MAGI2: variants seen among roughly 807,000 people sequenced by gnomAD.
MAGI2 encodes the protein membrane-associated guanylate kinase, WW and PDZ domain-containing protein 2.
MAGI2 carries 35 observed loss-of-function variants against 133.3 expected under a neutral mutation model. The observed-to-expected ratio is 0.26, with a 90% CI of 0.20 to 0.35. The LOEUF (loss-of-function observed/expected upper bound fraction) is 0.35. Ranked by LOEUF, MAGI2 falls within the 10% of genes least tolerant of loss-of-function variation. MAGI2 has a pLI of 1.00. For missense variants in MAGI2, 1,636 were observed against 1,863.4 expected, an observed-to-expected ratio of 0.88 and a Z score of 2.25; for synonymous variants, 729 against 710.6, an observed-to-expected ratio of 1.03 and a Z score of -0.41.
At chr7:78,536,759 G>GTTTTTTTT (rs55740303) in intron 3 of MAGI2, among the ~76,000 whole-genome samples, 2 of 122,436 alleles carry the variant, frequency 1.6e-5, no homozygotes, top group Non-Finnish European at 1.7e-5. Flanking sequence ...TTTTGTTGTT[G>GTTTTTTTT]TTTTTTTTTT....
chr7:78,864,025 T>G (rs1794358627), intron 2 of MAGI2, among the ~76,000 whole-genome samples: 1 of 152,168 alleles, frequency 6.6e-6, no homozygotes, highest in African/African-American at 2.4e-5. Context: ...AAGGTAAGAG[T>G]TAAGCTTTTG....
intron 2 of MAGI2, among the ~76,000 whole-genome samples, chr7:78,662,173 AT>A (rs1813032375): frequency 6.6e-6 from 1 of 152,070 alleles, no homozygotes; most frequent in Non-Finnish European, 1.5e-5. Flanking sequence ...CTTTTTGTTT[AT>A]TTTAGGGTGT....
chr7:78,200,356 A>C (rs1488609456), intron 11 of MAGI2, among the ~76,000 whole-genome samples: 2 of 152,226 alleles, frequency 1.3e-5, no homozygotes, highest in African/African-American at 4.8e-5. Context: ...CTGCTAAGCC[A>C]ACTTGGCTAG....
At chr7:79,018,162 C>G (rs1462043494) in intron 1 of MAGI2, among the ~76,000 whole-genome samples, 1 of 151,948 alleles carries the variant, frequency 6.6e-6, no homozygotes, top group Non-Finnish European at 1.5e-5. Context: ...GAAGGGTCAG[C>G]TAACCTACAA....
Position 78,160,048 on chromosome 7 carries a change from C to A in MAGI2, c.2822G>T (p.Arg941Met). ...FGFVIISSLN[R>M]PESGSTITVP... ...ACTTATAGTGGATCCAGACTCAGGC[C>A]TGTTCAGGGAGCTGATGATGACAAA... Residue 941 changes from arginine (R) to methionine (M), a missense_variant, in exon 16 of 22, where the codon AGG becomes ATG. Physicochemically the swap from Arg to Met is moderately conservative, Grantham distance 91. Transcript: ENST00000354212. 1 of 1,589,630 alleles carries A rather than the reference C, an allele frequency of 6.3e-7. No homozygotes were observed. Among genetic ancestry groups the A allele is most frequent in the Non-Finnish European group, 8.6e-7 (1 of 1,164,872 alleles).
At chr7:78,397,816 C>T (rs770902757) in intron 6 of MAGI2, among the ~76,000 whole-genome samples, 5 of 152,014 alleles carry the variant, frequency 3.3e-5, no homozygotes, top group African/African-American at 7.2e-5. Context: ...TAGTTCCATA[C>T]GATTCCAGAC....
At chr7:78,676,800 T>C (rs886690574) in intron 2 of MAGI2, among the ~76,000 whole-genome samples, 3 of 152,148 alleles carry the variant, frequency 2.0e-5, no homozygotes, top group Admixed American at 6.6e-5. Context: ...CATCAATGCA[T>C]TTTAATTTTG....
intron 6 of MAGI2, among the ~76,000 whole-genome samples, chr7:78,418,479 T>A (rs1371958441): frequency 6.6e-6 from 1 of 152,128 alleles, no homozygotes; most frequent in Non-Finnish European, 1.5e-5. Context: ...GAATCTTCTA[T>A]GATGATGGAA....
intron 20 of MAGI2, among the ~76,000 whole-genome samples, chr7:78,123,673 G>A (rs1184056995): frequency 6.6e-6 from 1 of 152,136 alleles, no homozygotes; most frequent in Admixed American, 6.5e-5. Context: ...TACTCACAAC[G>A]CTGCACAATT....
rs181761883 is a variant in MAGI2 at position 78,649,480 on chromosome 7, C to T, written c.419-22241G>A. Among the ~76,000 whole-genome samples, 90 of 151,962 alleles carry T rather than the reference C, an allele frequency of 5.9e-4. 2 individuals are homozygous for T. In the East Asian group the frequency reaches 0.013, roughly 23 times the overall value. ...GCTGAGTTTGGCATGTGGAGACAGC[C>T]GCTAAAAGTTGTTCAGATCCAAATC... On this transcript the variant is annotated intron_variant, in intron 2 of 21. Coordinates refer to ENST00000354212, the MANE Select transcript of MAGI2 (RefSeq NM_012301.4).
At chr7:78,088,641 C>T (rs866715898) in intron 20 of MAGI2, among the ~76,000 whole-genome samples, 7 of 152,108 alleles carry the variant, frequency 4.6e-5, no homozygotes, top group Non-Finnish European at 7.4e-5. Context: ...TGAGAGCTGG[C>T]GCCATGAAAG....
At chr7:78,922,569 C>T (rs1799348239) in intron 2 of MAGI2, among the ~76,000 whole-genome samples, 1 of 152,006 alleles carries the variant, frequency 6.6e-6, no homozygotes, top group Admixed American at 6.6e-5. Flanking sequence ...ATATGTGCCA[C>T]ATTTTCTTAA....
intron 2 of MAGI2, among the ~76,000 whole-genome samples, chr7:78,912,033 T>G (rs2052402): frequency 6.6e-6 from 1 of 151,880 alleles, no homozygotes; most frequent in African/African-American, 2.4e-5. Context: ...AATTATATTT[T>G]TAATTTAAAA....
intron 2 of MAGI2, among the ~76,000 whole-genome samples, chr7:78,785,959 G>A (rs558031194): frequency 1.1e-3 from 165 of 152,268 alleles, no homozygotes; most frequent in Non-Finnish European, 1.4e-3. Context: ...GAGGGAGACA[G>A]AGGAATGAAG....
intron 1 of MAGI2, among the ~76,000 whole-genome samples, chr7:79,267,749 A>T (rs1585380109): frequency 6.6e-6 from 1 of 152,298 alleles, no homozygotes; most frequent in East Asian, 1.9e-4. Flanking sequence ...TAATGTGCGT[A>T]AGCATGGGAA....
At chr7:78,034,410 T>C (rs756130490) in intron 21 of MAGI2, among the ~76,000 whole-genome samples, 1 of 152,138 alleles carries the variant, frequency 6.6e-6, no homozygotes, top group African/African-American at 2.4e-5. Context: ...AGCAGAATCA[T>C]TCCCTATTTC....
At chr7:78,311,717 CTT>C (rs1056662439) in intron 9 of MAGI2, among the ~76,000 whole-genome samples, 2 of 151,546 alleles carry the variant, frequency 1.3e-5, no homozygotes, top group African/African-American at 4.8e-5. Flanking sequence ...AACATTTAGA[CTT>C]TGTCTTTTTA....
In MAGI2 at chr7:78,512,136, TA is replaced by T. The variant is rs539565869; in HGVS notation, c.754+9293del. 7.4e-3 allele frequency among the ~76,000 whole-genome samples: 941 copies of T among 127,060 alleles called. 5 individuals carry two copies. The highest frequency in any genetic ancestry group is 9.7e-3 in the Non-Finnish European group (567 of 58,336). 83.4% of individuals were successfully genotyped at this position (127,060 alleles called of 152,430 possible). A position where few individuals can be genotyped will look rare whatever the true frequency, so the allele number is the denominator to read the frequency against. On this transcript the variant is annotated intron_variant, in intron 4 of 21. Transcript: ENST00000354212. ...AGACTTCGTCTCAAAAAAAATAAAT[TA>T]AAAAAAAAAAAAAAGGTGTGAGTAT...
intron 1 of MAGI2, among the ~76,000 whole-genome samples, chr7:79,285,996 G>C (rs1835970234): frequency 6.6e-6 from 1 of 152,086 alleles, no homozygotes; most frequent in African/African-American, 2.4e-5. Flanking sequence ...GACTTCATGG[G>C]ATCTACTGGG....
Sources: gnomAD v4.1 joint callset for allele counts (sites outside exome capture counted in the v4.1 genomes callset) on GRCh38, gnomAD v4.1.1 for gene constraint, MANE v1.5 for transcripts, NCBI Gene and HGNC (gene_info 2026-07-23, HGNC 2026-07-21) for gene names.